TMEM245: variants seen among roughly 807,000 people sequenced by gnomAD.
TMEM245 encodes the protein protein CG-2.
In TMEM245, 69 loss-of-function variants were observed where a neutral mutation model predicts 101.2. The ratio of observed to expected loss-of-function variants is 0.68; its 90% CI spans 0.56 to 0.83. The LOEUF (loss-of-function observed/expected upper bound fraction) is 0.83. Ranked by LOEUF, TMEM245 falls within the 40% of genes least tolerant of loss-of-function variation. The pLI, the probability that TMEM245 is intolerant of heterozygous loss-of-function variation, is 0.00. For missense variants in TMEM245, 1,075 were observed against 1,092.8 expected, an observed-to-expected ratio of 0.98 and a Z score of 0.23; for synonymous variants, 537 against 449.8, an observed-to-expected ratio of 1.19 and a Z score of -2.45.
chr9:109,075,689 G>C (rs1199322408), intron 8 of TMEM245, among the ~76,000 whole-genome samples: 2 of 152,170 alleles, frequency 1.3e-5, no homozygotes, highest in African/African-American at 2.4e-5. Context: ...CATATGCAGA[G>C]ATGTTTCCTC....
intron 1 of TMEM245, 118 bp from the exon 2 acceptor site, chr9:109,108,688 T>C (rs1170082832): frequency 2.2e-5 from 14 of 639,176 alleles, no homozygotes; most frequent in Non-Finnish European, 3.5e-5. Flanking sequence ...ACAGAAAAGA[T>C]GAAGGTTGAT....
At chr9:109,029,132 A>G (rs148819183) in intron 17 of TMEM245, among the ~76,000 whole-genome samples, 2 of 152,376 alleles carry the variant, frequency 1.3e-5, no homozygotes, top group East Asian at 3.9e-4. Flanking sequence ...TAGTAAAGCT[A>G]CAAGATAAAG....
chr9:109,108,478 G>T lies in TMEM245; in HGVS notation c.672C>A (p.Val224=). The change falls in exon 2 of 18, where the codon GTC becomes GTA. Residue 224 remains valine (V), a synonymous_variant. Transcript: ENST00000374586. The stretch of plus-strand genomic sequence containing the variant: ...CTAAATGAAAAAGCAATATAATCCA[G>T]ACAGGAATTGAAACTGCTCTCAAGT... The part of the protein sequence containing the change: ...ERYLRAVSIP[V]WIILLFHLAS... The T allele has an allele frequency of 6.5e-7, 1 of 1,549,208 alleles. No individual in the cohort carries two copies. The highest frequency in any genetic ancestry group is 8.7e-7 in the Non-Finnish European group (1 of 1,145,370).
At chr9:109,020,969 A>C (rs1423131054) in intron 17 of TMEM245, among the ~76,000 whole-genome samples, 1 of 152,234 alleles carries the variant, frequency 6.6e-6, no homozygotes, top group East Asian at 1.9e-4. Context: ...AGAGAGTCCA[A>C]GCTCTAAGGG....
At chr9:109,112,879 T>C (rs1183003023) in intron 1 of TMEM245, among the ~76,000 whole-genome samples, 1 of 152,000 alleles carries the variant, frequency 6.6e-6, no homozygotes, top group Non-Finnish European at 1.5e-5. Context: ...AGTTCAAGAC[T>C]AGCCTAGCCA....
At chr9:109,116,147 C>T (rs767751678) in intron 1 of TMEM245, among the ~76,000 whole-genome samples, 33 of 152,198 alleles carry the variant, frequency 2.2e-4, no homozygotes, top group Non-Finnish European at 3.7e-4. Context: ...AACAGGGATT[C>T]GCTTAAAGGT....
intron 1 of TMEM245, among the ~76,000 whole-genome samples, chr9:109,117,276 ATTTT>A (rs11393993): frequency 6.9e-6 from 1 of 144,892 alleles, no homozygotes; most frequent in African/African-American, 2.5e-5. Flanking sequence ...CACCCAGCTA[ATTTT>A]TTTTTTTTTG....
At chr9:109,044,211 CTTGCTACTTTTCTAAACTG>C (rs1828403952) in intron 14 of TMEM245, among the ~76,000 whole-genome samples, 1 of 152,120 alleles carries the variant, frequency 6.6e-6, no homozygotes, top group African/African-American at 2.4e-5. Context: ...CCAGATTGTG[CTTGCTACTTTTCTAAACTG>C]AGTAAGAAAA....
rs1830058302 is a variant in TMEM245, at chr9:109,093,368, A to G, written c.916+107T>C. On this transcript the variant is annotated intron_variant, in intron 4 of 17. Transcript: ENST00000374586. ...AGGAACCAAAGAGAATAAATGAAGG[A>G]TCAGCAGGAGTAAGTAGCATTTTGT... The G allele has an allele frequency of 4.5e-5, 39 of 866,112 alleles. 1 individual carries two copies. In the South Asian group the frequency reaches 6.2e-4, roughly 14 times the overall value. 53.7% of individuals were successfully genotyped at this position (866,112 alleles called of 1,614,324 possible).
At chr9:109,101,322 C>G (rs1371250679) in intron 3 of TMEM245, among the ~76,000 whole-genome samples, 2 of 152,092 alleles carry the variant, frequency 1.3e-5, no homozygotes, top group South Asian at 4.1e-4. Flanking sequence ...CAACGGGACA[C>G]TGGAAATGAC....
chr9:109,060,602 C>T (rs1358336422), intron 10 of TMEM245, 150 bp from the exon 11 acceptor site: 9 of 577,026 alleles, frequency 1.6e-5, no homozygotes, highest in African/African-American at 1.1e-4. Context: ...TTCCTTAAAT[C>T]TACTCCTGAG....
At position 109,073,455 on chromosome 9, in the gene TMEM245, G is replaced by C; in HGVS notation, c.1450-17C>G. 6.5e-7 allele frequency: 1 copy of C among 1,549,056 alleles called. No homozygotes were observed. The highest frequency in any genetic ancestry group is 8.8e-7 in the Non-Finnish European group (1 of 1,131,316). ...TTGATGTACCTGTATTACAGATAAA[G>C]AAAGAAAAGAATCTCAGTAAAAAAT... On this transcript the variant is annotated splice_polypyrimidine_tract_variant and intron_variant, in intron 8 of 17. Transcript: ENST00000374586.
chr9:109,040,681 T>C (rs892523587), intron 14 of TMEM245, among the ~76,000 whole-genome samples: 2 of 152,284 alleles, frequency 1.3e-5, no homozygotes, highest in Non-Finnish European at 2.9e-5. Context: ...TAGTGCTAAG[T>C]ACATTCACGT....
intron 8 of TMEM245, among the ~76,000 whole-genome samples, 155 bp from the exon 9 acceptor site, chr9:109,073,593 T>C (rs1367706545): frequency 1.3e-5 from 2 of 152,260 alleles, no homozygotes; most frequent in East Asian, 3.8e-4. Flanking sequence ...GCAAAGTTAC[T>C]ATACATTATA....
chr9:109,098,860 A>C lies in TMEM245; in HGVS notation c.800-5269T>G, dbSNP rs77430520. Among the ~76,000 whole-genome samples, 272 of 152,356 alleles carry C rather than the reference A, an allele frequency of 1.8e-3. 3 individuals are homozygous for C. The highest frequency in any genetic ancestry group is 5.8e-3 in the African/African-American group (240 of 41,580). ...AGCATGCTACTGACATTAGCAGCCT[A>C]GCACCAGGGGGCAGAAACTCAGAGT... On this transcript the variant is annotated intron_variant, in intron 3 of 17. Coordinates refer to ENST00000374586, the MANE Select transcript of TMEM245 (RefSeq NM_032012.4).
Position 109,091,047 on chromosome 9 carries a change from A to C in TMEM245, c.1025T>G (p.Ile342Arg). The C allele has an allele frequency of 1.2e-6, 2 of 1,614,064 alleles. No individual in the cohort carries two copies. Among genetic ancestry groups the C allele is most frequent in the African/African-American group, 2.7e-5 (2 of 75,010 alleles). The change falls in exon 5 of 18, where the codon ATA becomes AGA. Residue 342 changes from isoleucine (I) to arginine (R), a missense_variant. Physicochemically the swap from Ile to Arg is moderately conservative, Grantham distance 97 (BLOSUM62 -3). This residue lies in a region of TMEM245 where 808 missense variants were observed against 741.5 expected (regional missense o/e 1.09). Transcript: ENST00000374586. The stretch of plus-strand genomic sequence containing the variant: ...TTTCTTCTTTCTAAGAAACGTTCCT[A>C]TTTCAGGCCTTCGTCTGCCCAGAGT... ...SPTLGRRRPE[I>R]GTFLRKKKTS... is the part of the protein sequence containing the mutation.
intron 3 of TMEM245, among the ~76,000 whole-genome samples, chr9:109,097,232 C>G (rs1040267079): frequency 2.0e-5 from 3 of 152,074 alleles, no homozygotes; most frequent in African/African-American, 7.2e-5. Context: ...TCTTAGAGAG[C>G]AGGGGTAGAA....
rs1827465826 is a variant in TMEM245, at chr9:109,016,990, A to G, written c.*3470T>C. On this transcript the variant is annotated 3_prime_UTR_variant, in exon 18 of 18. Transcript: ENST00000374586. ...GTTGAAAGCTCTGGATAGCTCACCTAAATTACTTTCCTCTAATCTAACCCC... is the reference window on the plus strand; with the variant it reads ...GTTGAAAGCTCTGGATAGCTCACCTGAATTACTTTCCTCTAATCTAACCCC... 1 of 152,106 alleles carries G rather than the reference A, an allele frequency of 6.6e-6. No individual in the cohort carries two copies. The highest frequency in any genetic ancestry group is 2.4e-5 in the African/African-American group (1 of 41,392). 9.4% of individuals were successfully genotyped at this position (152,106 alleles called of 1,614,324 possible).
At chr9:109,118,989 G>C (rs1022608395) in intron 1 of TMEM245, among the ~76,000 whole-genome samples, 1 of 152,072 alleles carries the variant, frequency 6.6e-6, no homozygotes, top group Non-Finnish European at 1.5e-5. Flanking sequence ...AAGCACCCCC[G>C]CCCTCTCCAA....
Sources: allele counts gnomAD v4.1 joint callset (sites outside exome capture counted in the v4.1 genomes callset), GRCh38; gene constraint gnomAD v4.1.1; regional missense constraint gnomAD v4.1.1; transcripts MANE v1.5; gene names NCBI Gene and HGNC (gene_info 2026-07-23, HGNC 2026-07-21).